The following HHAT variants were observed in gnomAD, a reference collection of about 807,000 sequenced individuals.
HHAT encodes the protein protein-cysteine N-palmitoyltransferase HHAT.
A neutral mutation model predicts 70.8 loss-of-function variants in HHAT; 47 were observed. That is an observed-to-expected ratio of 0.66 (90% CI 0.53 to 0.85). HHAT has a LOEUF of 0.85. HHAT is among the 40% of genes least tolerant of loss of function. The pLI, the probability that HHAT is intolerant of heterozygous loss-of-function variation, is 0.00. For synonymous variants in HHAT, 228 were observed against 247.6 expected, an observed-to-expected ratio of 0.92 and a Z score of 0.74; for missense variants, 609 against 604.8, an observed-to-expected ratio of 1.01 and a Z score of -0.07.
intron 10 of HHAT, among the ~76,000 whole-genome samples, chr1:210,591,457 C>T (rs983325563): frequency 6.6e-6 from 1 of 152,086 alleles, no homozygotes; most frequent in Admixed American, 6.6e-5. Flanking sequence ...TTGATGGACA[C>T]TCAGGTTGCT....
chr1:210,592,406 C>G (rs1294173234), intron 10 of HHAT, among the ~76,000 whole-genome samples: 2 of 151,724 alleles, frequency 1.3e-5, no homozygotes, highest in Non-Finnish European at 2.9e-5. Context: ...CTGTTTTTGC[C>G]CAATACTGTA....
chr1:210,644,869 G>A (rs1160897042), intron 11 of HHAT, among the ~76,000 whole-genome samples: 2 of 152,264 alleles, frequency 1.3e-5, no homozygotes, highest in Non-Finnish European at 2.9e-5. Context: ...GAAACCTGCA[G>A]TAGGTGATGT....
At chr1:210,591,410 C>T (rs1466995404) in intron 10 of HHAT, among the ~76,000 whole-genome samples, 1 of 152,104 alleles carries the variant, frequency 6.6e-6, no homozygotes, top group South Asian at 2.1e-4. Flanking sequence ...AATAATACTC[C>T]ATTGTGTATA....
chr1:210,441,825 TAC>T (rs1235342464), intron 7 of HHAT, among the ~76,000 whole-genome samples: 2 of 151,688 alleles, frequency 1.3e-5, no homozygotes, highest in African/African-American at 2.4e-5. Flanking sequence ...TATATATATG[TAC>T]ACACACATAT....
chr1:210,523,111 A>G (rs896311543), intron 9 of HHAT, among the ~76,000 whole-genome samples: 4 of 151,978 alleles, frequency 2.6e-5, no homozygotes, highest in African/African-American at 9.7e-5. Flanking sequence ...CATCAGTCTC[A>G]CAGAAACCCA....
intron 9 of HHAT, among the ~76,000 whole-genome samples, chr1:210,521,961 C>T (rs575683922): frequency 1.1e-3 from 169 of 152,258 alleles, no homozygotes; most frequent in South Asian, 1.9e-3. Flanking sequence ...CTCTGTCCAC[C>T]AGGAAAGAAA....
chr1:210,386,255 T>G (rs2091056322), intron 3 of HHAT, among the ~76,000 whole-genome samples: 1 of 110,490 alleles, frequency 9.1e-6, no homozygotes, highest in Non-Finnish European at 1.8e-5. Flanking sequence ...TTTTTTTTTT[T>G]TGAGACAGAG....
chr1:210,415,868 A>G (rs2092705311), intron 6 of HHAT, among the ~76,000 whole-genome samples: 2 of 152,044 alleles, frequency 1.3e-5, no homozygotes, highest in African/African-American at 4.8e-5. Flanking sequence ...CATGTCGGCC[A>G]GGCTGGTCTT....
intron 9 of HHAT, among the ~76,000 whole-genome samples, chr1:210,559,127 C>A (rs953458885): frequency 2.0e-5 from 3 of 152,176 alleles, no homozygotes; most frequent in Non-Finnish European, 2.9e-5. Flanking sequence ...AGGCAGAATC[C>A]ATATGCCTAG....
intron 1 of HHAT, among the ~76,000 whole-genome samples, chr1:210,340,243 A>AAAAG (rs1558310315): frequency 5.0e-5 from 1 of 20,048 alleles, no homozygotes; most frequent in South Asian, 1.7e-3. Context: ...TCTGTCTCAG[A>AAAAG]AAAAAAAAAA....
chr1:210,461,896 A>G (rs768888732), intron 7 of HHAT, among the ~76,000 whole-genome samples: 16 of 152,188 alleles, frequency 1.1e-4, no homozygotes, highest in Non-Finnish European at 1.2e-4. Flanking sequence ...TTCCATTCAC[A>G]TAGTGGTTTA....
At chr1:210,643,086 A>G (rs1673291494) in intron 11 of HHAT, among the ~76,000 whole-genome samples, 1 of 152,206 alleles carries the variant, frequency 6.6e-6, no homozygotes, top group South Asian at 2.1e-4. Context: ...ACCCAGCAAC[A>G]TTCATTGAAA....
chr1:210,506,755 A>G (rs1442283625), intron 8 of HHAT, among the ~76,000 whole-genome samples: 1 of 152,186 alleles, frequency 6.6e-6, no homozygotes, highest in Non-Finnish European at 1.5e-5. Flanking sequence ...TTCTATGTGC[A>G]GTGTATGATG....
chr1:210,433,077 A>G (rs943355955), intron 7 of HHAT, among the ~76,000 whole-genome samples: 2 of 151,744 alleles, frequency 1.3e-5, no homozygotes, highest in South Asian at 2.1e-4. Context: ...TTTGTCTTAC[A>G]TGGAAGAAGA....
intron 11 of HHAT, among the ~76,000 whole-genome samples, chr1:210,644,210 A>G (rs1188118488): frequency 6.6e-6 from 1 of 152,240 alleles, no homozygotes; most frequent in African/African-American, 2.4e-5. Flanking sequence ...TCTCAGACCA[A>G]TGCTCATTTC....
chr1:210,490,349 A>G (rs989638106), intron 8 of HHAT, among the ~76,000 whole-genome samples: 18 of 152,258 alleles, frequency 1.2e-4, no homozygotes, highest in African/African-American at 4.3e-4. Flanking sequence ...CCACCAGCAT[A>G]TCTTCTCTAC....
intron 3 of HHAT, among the ~76,000 whole-genome samples, chr1:210,386,756 C>T (rs1387721029): frequency 6.6e-6 from 1 of 152,124 alleles, no homozygotes; most frequent in African/African-American, 2.4e-5. Context: ...TCCTAAGCGT[C>T]CACATGTCCA....
chr1:210,593,424 A>G (rs956761940), intron 10 of HHAT, among the ~76,000 whole-genome samples: 1 of 152,078 alleles, frequency 6.6e-6, no homozygotes, highest in Admixed American at 6.6e-5. Context: ...TAAGTTCTTC[A>G]TTGACCCTCT....
chr1:210,408,728 C>G (rs1368031917), intron 6 of HHAT, among the ~76,000 whole-genome samples: 1 of 152,158 alleles, frequency 6.6e-6, no homozygotes, highest in Non-Finnish European at 1.5e-5. Context: ...CTGGCAAGAG[C>G]TGTGCAAGGC....
Sources: gnomAD v4.1 joint callset for allele counts (sites outside exome capture counted in the v4.1 genomes callset) on GRCh38, gnomAD v4.1.1 for gene constraint, MANE v1.5 for transcripts, NCBI Gene and HGNC (gene_info 2026-07-23, HGNC 2026-07-21) for gene names.